The following TNPO1 variants were observed in gnomAD, a reference collection of about 807,000 sequenced individuals.
TNPO1 encodes transportin-1.
TNPO1 carries 8 observed loss-of-function variants against 119.5 expected under a neutral mutation model. The ratio of observed to expected loss-of-function variants is 0.07; its 90% CI spans 0.04 to 0.12. TNPO1 has a LOEUF of 0.12. Ranked by LOEUF, TNPO1 falls within the 10% of genes least tolerant of loss-of-function variation. TNPO1 has a pLI of 1.00. For missense variants in TNPO1, 576 were observed against 1,089.8 expected (o/e 0.53, Z 6.64); for synonymous variants, 362 against 363.0 (o/e 1.00, Z 0.03).
At chr5:72,905,263 C>T (rs768598101) in intron 23 of TNPO1, 40 bp from the exon 24 acceptor site, 19 of 1,457,482 alleles carry the variant, frequency 1.3e-5, no homozygotes, top group Middle Eastern at 4.9e-4. Flanking sequence ...CTGAATTTTT[C>T]TCTTGTTATT....
chr5:72,891,712 C>T (rs1162669991), intron 14 of TNPO1, 98 bp from the exon 15 acceptor site: 4 of 866,432 alleles, frequency 4.6e-6, no homozygotes, highest in Non-Finnish European at 7.3e-6. Context: ...AATGATTTTA[C>T]ACAATTGCTC....
intron 1 of TNPO1, among the ~76,000 whole-genome samples, chr5:72,828,590 A>G (rs1205524354): frequency 6.6e-6 from 1 of 152,136 alleles, no homozygotes; most frequent in Non-Finnish European, 1.5e-5. Context: ...TTAGCCCTTA[A>G]TACTTTAATG....
At chr5:72,847,048 T>A (rs1018937223) in intron 1 of TNPO1, among the ~76,000 whole-genome samples, 4 of 152,206 alleles carry the variant, frequency 2.6e-5, no homozygotes, top group Non-Finnish European at 5.9e-5. Context: ...GTTTTGAGTT[T>A]TTTTTTGTTT....
chr5:72,881,112 TTTA>T (rs1186038400), intron 9 of TNPO1, among the ~76,000 whole-genome samples: 1 of 152,010 alleles, frequency 6.6e-6, no homozygotes, highest in Non-Finnish European at 1.5e-5. Context: ...GATTCTTTTT[TTTA>T]TTATTATTAT....
chr5:72,879,016 GTGT>G, intron 9 of TNPO1: 2 of 417,770 alleles, frequency 4.8e-6, no homozygotes, highest in South Asian at 3.8e-5. Flanking sequence ...AGGAGTCTCT[GTGT>G]TGTTCTTTGT....
At chr5:72,903,624 A>C in intron 22 of TNPO1, 85 bp from the exon 23 acceptor site, 1 of 830,920 alleles carries the variant, frequency 1.2e-6, no homozygotes, top group Non-Finnish European at 1.9e-6. Context: ...TTCTATTGTG[A>C]CATAAACTCT....
In TNPO1 at chr5:72,909,304, TAAAA is replaced by T. The variant is rs1245263497; in HGVS notation, c.*632_*635del. On this transcript the variant is annotated 3_prime_UTR_variant, in exon 25 of 25. Transcript: ENST00000337273. ...TAAGGTACCCCAAAAAAGTTGGAAA[TAAAA>T]CAAAACAAACATAAACAATGAAGCA... 6.8e-6 allele frequency: 1 copy of T among 147,776 alleles called. No individual in the cohort carries two copies. The highest frequency in any genetic ancestry group is 2.5e-5 in the African/African-American group (1 of 40,122). The allele number at this position is 147,776 out of a possible 1,614,324, so 9.2% of individuals were successfully genotyped here.
In TNPO1 at chr5:72,896,493, C is replaced by A. The variant is rs529007586; in HGVS notation, c.2179C>A (p.Pro727Thr). ...GCCAATATTGGGAACCAACCTAAAT[C>A]CAGAATTCATTTCAGTCTGCAACAA... ...FMPILGTNLN[P>T]EFISVCNNAT... is the part of the protein sequence containing the mutation. Residue 727 changes from proline to threonine, a missense_variant, in exon 19 of 25, where the codon CCA (proline) becomes ACA (threonine). Coordinates refer to ENST00000337273, the MANE Select transcript of TNPO1 (RefSeq NM_002270.4). 2.5e-6 allele frequency: 4 copies of A among 1,611,910 alleles called. No individual in the cohort carries two copies.
intron 1 of TNPO1, among the ~76,000 whole-genome samples, chr5:72,842,616 T>A (rs961726779): frequency 2.0e-5 from 3 of 152,224 alleles, no homozygotes; most frequent in Admixed American, 6.5e-5. Context: ...CAAACTGGAA[T>A]TCCATTTTAT....
At chr5:72,868,299 G>A (rs1747084561) in intron 6 of TNPO1, among the ~76,000 whole-genome samples, 1 of 151,798 alleles carries the variant, frequency 6.6e-6, no homozygotes, top group South Asian at 2.1e-4. Context: ...GGGCATGGTG[G>A]CGGGCACCTG....
chr5:72,834,452 G>T, intron 1 of TNPO1, among the ~76,000 whole-genome samples: 1 of 152,202 alleles, frequency 6.6e-6, no homozygotes, highest in East Asian at 1.9e-4. Context: ...CAGTGGCATT[G>T]ATGACACTGA....
At chr5:72,870,270 C>G (rs1049538009) in intron 6 of TNPO1, among the ~76,000 whole-genome samples, 1 of 147,340 alleles carries the variant, frequency 6.8e-6, no homozygotes, top group Non-Finnish European at 1.5e-5. Flanking sequence ...AAGCGATTCT[C>G]CTGCCTCAGC....
rs751916685 is a variant in TNPO1, at chr5:72,888,067, T to A, written c.1304-11T>A. 6.2e-7 allele frequency: 1 copy of A among 1,602,442 alleles called. No individual in the cohort carries two copies. The highest frequency in any genetic ancestry group is 1.7e-5 in the Admixed American group (1 of 57,754). ...AATTTTAGCATTTTGAAAGATTTATTTTTTTTCTAGGTTGCATGCAGGGCA... is the reference window on the plus strand; with the variant it reads ...AATTTTAGCATTTTGAAAGATTTATATTTTTTCTAGGTTGCATGCAGGGCA... On this transcript the variant is annotated splice_polypyrimidine_tract_variant and intron_variant, in intron 12 of 24. Transcript: ENST00000337273.
intron 2 of TNPO1, 52 bp downstream of exon 2, chr5:72,848,550 G>T (rs1257378038): frequency 2.4e-6 from 3 of 1,225,522 alleles, no homozygotes; most frequent in Admixed American, 7.3e-5. Flanking sequence ...CCGCGCTGCG[G>T]CCCAGCCCCC....
chr5:72,893,855 C>T, intron 18 of TNPO1, 152 bp downstream of exon 18: 1 of 769,322 alleles, frequency 1.3e-6, no homozygotes, highest in Non-Finnish European at 2.1e-6. Flanking sequence ...GTGATTGAAA[C>T]AGGCAAGATG....
intron 7 of TNPO1, among the ~76,000 whole-genome samples, chr5:72,873,665 G>C (rs1747565544): frequency 6.6e-6 from 1 of 152,110 alleles, no homozygotes; most frequent in Non-Finnish European, 1.5e-5. Context: ...TCTAGAGGTA[G>C]TATAATGTAG....
At chr5:72,899,486 G>T (rs1749665689) in intron 20 of TNPO1, among the ~76,000 whole-genome samples, 2 of 151,964 alleles carry the variant, frequency 1.3e-5, no homozygotes, top group African/African-American at 2.4e-5. Flanking sequence ...CCAAAAATTT[G>T]GTTTAAATTC....
At chr5:72,849,503 TGTTTGA>T (rs1255308426) in intron 2 of TNPO1, among the ~76,000 whole-genome samples, 1 of 152,246 alleles carries the variant, frequency 6.6e-6, no homozygotes, top group Non-Finnish European at 1.5e-5. Context: ...AAGCTCTTCG[TGTTTGA>T]GTTTATTTAC....
chr5:72,892,526 A>G (rs1749136964), intron 15 of TNPO1, among the ~76,000 whole-genome samples: 1 of 152,150 alleles, frequency 6.6e-6, no homozygotes. Context: ...AAGAAGAATC[A>G]TTATGGTTCA....
Sources: gnomAD v4.1 joint callset for allele counts (sites outside exome capture counted in the v4.1 genomes callset) on GRCh38, gnomAD v4.1.1 for gene constraint, MANE v1.5 for transcripts, NCBI Gene and HGNC (gene_info 2026-07-23, HGNC 2026-07-21) for gene names.